GDA: variants seen among roughly 807,000 people sequenced by gnomAD.
GDA encodes guanine deaminase, also known as cytoplasmic PSD-95 interactor.
In GDA, 18 loss-of-function variants were observed where a neutral mutation model predicts 59.6. That is an observed-to-expected ratio of 0.30 (90% confidence interval 0.21 to 0.45). The LOEUF (loss-of-function observed/expected upper bound fraction) is 0.45, where lower values mean the gene tolerates loss of function less well. Ranked by LOEUF, GDA falls within the 20% of genes least tolerant of loss-of-function variation. The pLI is 1.00. For synonymous variants in GDA, 201 were observed against 201.1 expected, an observed-to-expected ratio of 1.00 and a Z score of 0.00; for missense variants, 427 against 552.3, an observed-to-expected ratio of 0.77 and a Z score of 2.27.
chr9:72,124,100 A>C (rs1825768041), intron 1 of GDA, among the ~76,000 whole-genome samples: 1 of 152,198 alleles, frequency 6.6e-6, no homozygotes, highest in African/African-American at 2.4e-5. Flanking sequence ...AAAAAGGCCA[A>C]CCTCTAGCAA....
At chr9:72,172,564 A>G (rs1328807579) in intron 1 of GDA, among the ~76,000 whole-genome samples, 1 of 152,178 alleles carries the variant, frequency 6.6e-6, no homozygotes, top group Non-Finnish European at 1.5e-5. Flanking sequence ...ACTCCTCTGT[A>G]GTGGATTAGG....
intron 1 of GDA, among the ~76,000 whole-genome samples, chr9:72,132,291 T>C (rs1477984788): frequency 6.6e-6 from 1 of 152,054 alleles, no homozygotes; most frequent in African/African-American, 2.4e-5. Flanking sequence ...TGCCCAACCA[T>C]GGTGAGTACA....
intron 1 of GDA, among the ~76,000 whole-genome samples, chr9:72,164,879 A>G (rs531010925): frequency 4.6e-4 from 69 of 151,578 alleles, no homozygotes; most frequent in African/African-American, 1.6e-3. Flanking sequence ...AGTCCCAGCT[A>G]CTTTGGAGGC....
At chr9:72,247,475 C>A (rs754160569) in intron 13 of GDA, 42 bp downstream of exon 13, 2 of 1,022,738 alleles carry the variant, frequency 2.0e-6, no homozygotes, top group Non-Finnish European at 3.1e-6. Flanking sequence ...TAAATAGAAC[C>A]TTTCCCTGTC....
At chr9:72,127,633 T>C (rs1250976956) in intron 1 of GDA, among the ~76,000 whole-genome samples, 16 of 101,086 alleles carry the variant, frequency 1.6e-4, no homozygotes, top group Non-Finnish European at 3.0e-4. Context: ...AGAGACTCTG[T>C]CTCAAAAAAA....
At chr9:72,199,994 CTTTTTTT>C (rs1271694156) in intron 2 of GDA, among the ~76,000 whole-genome samples, 1 of 119,846 alleles carries the variant, frequency 8.3e-6, no homozygotes, top group Non-Finnish European at 1.7e-5. Flanking sequence ...TGAATCCTTT[CTTTTTTT>C]TTTTTTTTTT....
In GDA at chr9:72,115,607, G is replaced by A. The variant is rs1278206639; in HGVS notation, c.-100+774G>A. Among the ~76,000 whole-genome samples the A allele has an allele frequency of 2.0e-5, 3 of 152,252 alleles. No individual in the cohort carries two copies. In the East Asian group the frequency reaches 5.8e-4, roughly 29 times the overall value. ...GCATCAAAGAAACATAATTCATTTG[G>A]TCTAAAGTATTTCCAAGTCAAGATT... On this transcript the variant is annotated intron_variant, in intron 1 of 13. Transcript: ENST00000545168.
intron 1 of GDA, among the ~76,000 whole-genome samples, chr9:72,194,705 TG>T (rs1832944485): frequency 6.6e-6 from 1 of 152,170 alleles, no homozygotes; most frequent in Non-Finnish European, 1.5e-5. Flanking sequence ...ACACAAAAGT[TG>T]TAGTCCTTGG....
At chr9:72,214,485 G>T (rs1323418664) in intron 5 of GDA, among the ~76,000 whole-genome samples, 1 of 151,726 alleles carries the variant, frequency 6.6e-6, no homozygotes, top group African/African-American at 2.4e-5. Context: ...TAGTAGAGAC[G>T]GGGTTTCACT....
chr9:72,226,748 T>C (rs1837638898), intron 8 of GDA, among the ~76,000 whole-genome samples: 1 of 152,244 alleles, frequency 6.6e-6, no homozygotes, highest in Non-Finnish European at 1.5e-5. Flanking sequence ...TTCCATATGA[T>C]TAATAAATTA....
At chr9:72,218,047 C>T (rs1172547813) in intron 5 of GDA, among the ~76,000 whole-genome samples, 1 of 151,818 alleles carries the variant, frequency 6.6e-6, no homozygotes, top group Non-Finnish European at 1.5e-5. Context: ...CCTAGTAGCT[C>T]GGATTACAGG....
chr9:72,184,645 A>G (rs1831646994), intron 1 of GDA, among the ~76,000 whole-genome samples: 2 of 152,298 alleles, frequency 1.3e-5, no homozygotes, highest in South Asian at 4.1e-4. Flanking sequence ...TACATCCTTC[A>G]TCTATCAAGG....
chr9:72,164,018 A>G (rs1340108612), intron 1 of GDA, among the ~76,000 whole-genome samples: 1 of 152,206 alleles, frequency 6.6e-6, no homozygotes, highest in Non-Finnish European at 1.5e-5. Flanking sequence ...CACATAGGGA[A>G]GAGAAGAAGA....
chr9:72,212,787 G>A (rs1336245305), intron 4 of GDA, among the ~76,000 whole-genome samples: 1 of 152,140 alleles, frequency 6.6e-6, no homozygotes, highest in East Asian at 1.9e-4. Flanking sequence ...TAGAGTAGGA[G>A]ACAGGAGGGA....
At chr9:72,142,432 G>T (rs116300633) in intron 1 of GDA, among the ~76,000 whole-genome samples, 2,257 of 152,016 alleles carry the variant, frequency 0.015, 56 homozygotes, top group African/African-American at 0.052. Context: ...TGTTAGCCAG[G>T]TGTGGTGGTG....
intron 10 of GDA, 28 bp downstream of exon 10, chr9:72,231,209 G>T (rs772793036): frequency 1.7e-6 from 2 of 1,168,726 alleles, no homozygotes; most frequent in Admixed American, 3.4e-5. Context: ...TGGAGCTATG[G>T]CAAAGTGGTT....
chr9:72,207,709 T>C (rs1834886824), intron 3 of GDA, among the ~76,000 whole-genome samples: 1 of 152,222 alleles, frequency 6.6e-6, no homozygotes, highest in African/African-American at 2.4e-5. Flanking sequence ...GATCTTTTTG[T>C]TTTACATGAA....
intron 8 of GDA, among the ~76,000 whole-genome samples, chr9:72,226,487 G>A (rs1395744203): frequency 2.6e-5 from 4 of 152,126 alleles, no homozygotes; most frequent in Non-Finnish European, 4.4e-5. Context: ...AATACTCTGA[G>A]AGTGCTTTTA....
intron 1 of GDA, among the ~76,000 whole-genome samples, chr9:72,185,009 G>T (rs1366366956): frequency 6.6e-6 from 1 of 152,162 alleles, no homozygotes; most frequent in East Asian, 1.9e-4. Flanking sequence ...AGAGGAAGAA[G>T]AAGAAGATTT....
Sources: gnomAD v4.1 joint callset for allele counts (sites outside exome capture counted in the v4.1 genomes callset) on GRCh38, gnomAD v4.1.1 for gene constraint, MANE v1.5 for transcripts, NCBI Gene and HGNC (gene_info 2026-07-23, HGNC 2026-07-21) for gene names.